The following R3HDM4 variants were observed in gnomAD, a reference collection of about 807,000 sequenced individuals.
R3HDM4 encodes R3H domain containing 4, also known as R3H domain-containing protein 4.
R3HDM4 carries 30 observed loss-of-function variants against 31.3 expected under a neutral mutation model. That is an observed-to-expected ratio of 0.96 (90% CI 0.72 to 1.30). The LOEUF (loss-of-function observed/expected upper bound fraction) is 1.30, where lower values mean the gene tolerates loss of function less well. Ranked by LOEUF, R3HDM4 falls within the 50% of genes most tolerant of loss-of-function variation. R3HDM4 has a pLI of 0.00. For missense variants in R3HDM4, 444 were observed against 366.1 expected (o/e 1.21, Z -1.74); for synonymous variants, 196 against 156.6 (o/e 1.25, Z -1.88).
At chr19:903,867 G>A (rs901844789) in intron 1 of R3HDM4, among the ~76,000 whole-genome samples, 19 of 152,094 alleles carry the variant, frequency 1.2e-4, no homozygotes, top group African/African-American at 3.4e-4. Flanking sequence ...CGGCTAACAC[G>A]GTGAAACCCC....
chr19:901,853 C>G, intron 2 of R3HDM4, 123 bp downstream of exon 2: 1 of 1,221,434 alleles, frequency 8.2e-7, no homozygotes, highest in South Asian at 1.3e-5. Flanking sequence ...ACAGCTGACA[C>G]CTCTTTGGGT....
chr19:909,300 A>G lies in R3HDM4; in HGVS notation c.71+3787T>C, dbSNP rs149249559. ...CCAGGAACCCACTAGAGACAGCAAGAGAGGAACCGACTTGTGCATCAGGAA... is the reference window on the plus strand; with the variant it reads ...CCAGGAACCCACTAGAGACAGCAAGGGAGGAACCGACTTGTGCATCAGGAA... On this transcript the variant is annotated intron_variant, in intron 1 of 7. Coordinates refer to ENST00000361574, the MANE Select transcript of R3HDM4 (RefSeq NM_138774.4). Among the ~76,000 whole-genome samples the G allele has an allele frequency of 9.7e-3, 1,475 of 152,260 alleles. 70 individuals carry two copies. The highest frequency in any genetic ancestry group is 0.074 in the Admixed American group (1,138 of 15,284).
rs1358134613 is a variant in R3HDM4, at chr19:897,054, G to A, written c.*383C>T. The A allele has an allele frequency of 5.7e-6, 1 of 175,518 alleles. No homozygotes were observed. The highest frequency in any genetic ancestry group is 1.2e-5 in the Non-Finnish European group (1 of 84,090). 10.9% of individuals were successfully genotyped at this position (175,518 alleles called of 1,614,324 possible). The stretch of plus-strand genomic sequence containing the variant: ...GTTTTTTTGGTTTTTCTCTCCAAAA[G>A]GGAAATTTAAAAATCTACAACAAAT... On this transcript the variant is annotated 3_prime_UTR_variant, in exon 8 of 8. Transcript: ENST00000361574.
intron 1 of R3HDM4, among the ~76,000 whole-genome samples, chr19:911,061 C>CA (rs1398757957): frequency 6.6e-6 from 1 of 152,058 alleles, no homozygotes; most frequent in Non-Finnish European, 1.5e-5. Context: ...GCGGAGCTTG[C>CA]AGTGAGCCGA....
chr19:899,970 C>G lies in R3HDM4; in HGVS notation c.561+91G>C. 7.5e-7 allele frequency: 1 copy of G among 1,333,636 alleles called. No homozygotes were observed. Among genetic ancestry groups the G allele is most frequent in the South Asian group, 1.2e-5 (1 of 83,044 alleles). The allele number at this position is 1,333,636 out of a possible 1,614,324, so 82.6% of individuals were successfully genotyped here. On this transcript the variant is annotated intron_variant, in intron 5 of 7. Transcript: ENST00000361574. The surrounding 1 kb of genome is among the most constrained non-coding windows in gnomAD (Gnocchi z 6.8). ...TCCTGCCCTGTTTCCCCTGACACGA[C>G]CTGCACCGGGTGAGAACCTGTGCCT...
chr19:901,988 G>T lies in R3HDM4; in HGVS notation c.214C>A (p.Arg72Ser). ...PKAKGRKSLQ[R>S]LENTQYLLTL... ...GACCCCTGCTCACTGTTCTCCAGGCGCTGGAGGCTCTTCCGCCCCTTGGCC... is the reference window on the plus strand; with the variant it reads ...GACCCCTGCTCACTGTTCTCCAGGCTCTGGAGGCTCTTCCGCCCCTTGGCC... The change falls in exon 2 of 8, where the codon CGC (arginine) becomes AGC (serine). Residue 72 changes from arginine (R) to serine (S), a missense_variant. Coordinates refer to ENST00000361574, the MANE Select transcript of R3HDM4 (RefSeq NM_138774.4). The T allele has an allele frequency of 1.9e-6, 3 of 1,613,696 alleles. No homozygotes were observed. Among genetic ancestry groups the T allele is most frequent in the Non-Finnish European group, 1.7e-6 (2 of 1,180,014 alleles).
In R3HDM4 at chr19:907,214, C is replaced by T. The variant is rs1310346572; in HGVS notation, c.72-5084G>A. On this transcript the variant is annotated intron_variant, in intron 1 of 7. Transcript: ENST00000361574. This position sits in a 1 kb window ranked among gnomAD's most constrained non-coding sequence, Gnocchi z 4.1. ...AGAAGGAGGTGGTGGACCATGCCCT[C>T]AGCACAGAGCACAGCAGCCGACGGG... is the stretch of plus-strand genomic sequence containing the variant. 6.6e-6 allele frequency among the ~76,000 whole-genome samples: 1 copy of T among 152,206 alleles called. No individual in the cohort carries two copies. The highest frequency in any genetic ancestry group is 1.5e-5 in the Non-Finnish European group (1 of 68,038).
chr19:900,869 C>T lies in R3HDM4; in HGVS notation c.435G>A (p.Ala145=), dbSNP rs756759415. The T allele has an allele frequency of 1.4e-5, 22 of 1,560,402 alleles. No individual in the cohort carries two copies. The highest frequency in any genetic ancestry group is 2.0e-4 in the Middle Eastern group (1 of 4,974). Residue 145 remains alanine, a synonymous_variant, in exon 4 of 8, where the codon GCG becomes GCA. Transcript: ENST00000361574. ...CCCCACGGCCAGGGCCCCTCCTCCG[C>T]GCCTTGCTCCTGCCCTCATCCTCCA... ...RYLEDEGRSK[A]RRRGPGRGED... is the part of the protein sequence containing the mutation.
chr19:906,252 C>T (rs2036904766), intron 1 of R3HDM4, among the ~76,000 whole-genome samples: 1 of 139,016 alleles, frequency 7.2e-6, no homozygotes, highest in Non-Finnish European at 1.5e-5. Context: ...CAGAGTCTCG[C>T]TCTGTCGCCC....
rs1333789853 is a variant in R3HDM4, at chr19:913,037, G to A, written c.71+50C>T. ...GGCGGGGAGAGGATCTCAGGGGAGG[G>A]AGCCCAGCCCGCCCCCGGCGCCCGC... is the stretch of plus-strand genomic sequence containing the variant. On this transcript the variant is annotated intron_variant, in intron 1 of 7. Transcript: ENST00000361574. The surrounding 1 kb of genome is among the most constrained non-coding windows in gnomAD (Gnocchi z 5.0). 9.3e-6 allele frequency: 7 copies of A among 754,662 alleles called. 1 individual carries two copies. The highest frequency in any genetic ancestry group is 1.1e-5 in the Non-Finnish European group (7 of 610,248). 46.7% of individuals were successfully genotyped at this position (754,662 alleles called of 1,614,324 possible).
Position 900,854 on chromosome 19 carries a change from AG to A in R3HDM4, c.449del (p.Pro150LeufsTer64). 1 of 1,444,886 alleles carries A rather than the reference AG, an allele frequency of 6.9e-7. No individual in the cohort carries two copies. Among genetic ancestry groups the A allele is most frequent in the African/African-American group, 1.5e-5 (1 of 65,676 alleles). The allele number at this position is 1,444,886 out of a possible 1,614,324, so 89.5% of individuals were successfully genotyped here. A position where few individuals can be genotyped will look rare whatever the true frequency, so the allele number is the denominator to read the frequency against. On this transcript the variant is annotated frameshift_variant, in exon 4 of 8. Coordinates refer to ENST00000361574, the MANE Select transcript of R3HDM4 (RefSeq NM_138774.4). LOFTEE classifies it high-confidence loss of function. Reference protein sequence around the residue: ...EGRSKARRRGPGRGEDRRRED... With the variant: ...EGRSKARRRGXGRGEDRRRED... ...CTCTCCTCCGGTCCTCCCCACGGCC[AG>A]GGCCCCTCCTCCGCGCCTTGCTCCT...
At position 899,318 on chromosome 19, in the gene R3HDM4, C is replaced by T; in HGVS notation, c.703+122G>A. Reference sequence around the variant, plus strand: ...CACCCCTGAGTTCGTAGCGTCCCCACTCCAGCCCCCTTCCCCACCTCCCCA... The same window carrying T: ...CACCCCTGAGTTCGTAGCGTCCCCATTCCAGCCCCCTTCCCCACCTCCCCA... On this transcript the variant is annotated intron_variant, in intron 7 of 7. Coordinates refer to ENST00000361574, the MANE Select transcript of R3HDM4 (RefSeq NM_138774.4). The surrounding 1 kb of genome is among the most constrained non-coding windows in gnomAD (Gnocchi z 6.8). 9.8e-7 allele frequency: 1 copy of T among 1,023,746 alleles called. No individual in the cohort carries two copies. The highest frequency in any genetic ancestry group is 1.5e-6 in the Non-Finnish European group (1 of 670,108). The allele number at this position is 1,023,746 out of a possible 1,614,324, so 63.4% of individuals were successfully genotyped here.
chr19:909,308 C>T (rs933932567), intron 1 of R3HDM4, among the ~76,000 whole-genome samples: 48 of 152,168 alleles, frequency 3.2e-4, no homozygotes, highest in Admixed American at 3.1e-3. Flanking sequence ...AGAGAGGAAC[C>T]GACTTGTGCA....
rs200112514 is a variant in R3HDM4, at chr19:900,124, G to A, written c.498C>T (p.Arg166=). 80 of 1,600,730 alleles carry A rather than the reference G, an allele frequency of 5.0e-5. No homozygotes were observed. In the East Asian group the frequency reaches 1.4e-3, roughly 29 times the overall value. ...RRREDPAYTP[R]ECFQRISRRL... ...GCCGGCTGATGCGCTGGAAGCACTCGCGGGGTGTATAGGCGGGGTCCTCTG... is the reference window on the plus strand; with the variant it reads ...GCCGGCTGATGCGCTGGAAGCACTCACGGGGTGTATAGGCGGGGTCCTCTG... Residue 166 remains arginine (R), a synonymous_variant, in exon 5 of 8, where the codon CGC becomes CGT. Coordinates refer to ENST00000361574, the MANE Select transcript of R3HDM4 (RefSeq NM_138774.4).
intron 2 of R3HDM4, 28 bp from the exon 3 acceptor site, chr19:901,574 CG>C: frequency 6.3e-7 from 1 of 1,586,572 alleles, no homozygotes; most frequent in Non-Finnish European, 8.6e-7. Context: ...CTCTCTGGGC[CG>C]GGGTGGCATT....
intron 1 of R3HDM4, among the ~76,000 whole-genome samples, chr19:912,724 G>C (rs930474657): frequency 1.4e-5 from 2 of 138,348 alleles, no homozygotes; most frequent in African/African-American, 2.7e-5. Context: ...CAGTGCAGTG[G>C]GGGGGCGGAC....
intron 1 of R3HDM4, among the ~76,000 whole-genome samples, chr19:906,149 G>A (rs1637869): frequency 8.7e-5 from 13 of 149,608 alleles, no homozygotes; most frequent in Non-Finnish European, 1.3e-4. Flanking sequence ...CTCAGCCTCC[G>A]GAGTAGCTGG....
At chr19:901,061 G>A (rs1355768888) in intron 3 of R3HDM4, 109 bp from the exon 4 acceptor site, 50 of 1,358,186 alleles carry the variant, frequency 3.7e-5, no homozygotes, top group Non-Finnish European at 4.6e-5. Flanking sequence ...GCGCTCCTGC[G>A]GTCACCTCTG....
chr19:911,357 T>A (rs1374115980), intron 1 of R3HDM4, among the ~76,000 whole-genome samples: 1 of 152,092 alleles, frequency 6.6e-6, no homozygotes, highest in Non-Finnish European at 1.5e-5. Context: ...CGCAGGAGAA[T>A]CGCTTGAACC....
Sources: gnomAD v4.1 joint callset for allele counts (sites outside exome capture counted in the v4.1 genomes callset) on GRCh38, gnomAD v4.1.1 for gene constraint, Gnocchi (gnomAD v3.1) non-coding constraint, MANE v1.5 for transcripts, NCBI Gene and HGNC (gene_info 2026-07-23, HGNC 2026-07-21) for gene names.